Variants in ZNF717 observed in about 807,000 individuals in gnomAD.
ZNF717 encodes the protein zinc finger protein 717.
A neutral mutation model predicts 13.8 loss-of-function variants in ZNF717; 9 were observed. The observed-to-expected ratio is 0.65, with a 90% CI of 0.39 to 1.14. The LOEUF (loss-of-function observed/expected upper bound fraction) is 1.14. Ranked by LOEUF, ZNF717 falls within the 50% of genes most tolerant of loss-of-function variation. The pLI, the probability that ZNF717 is intolerant of heterozygous loss-of-function variation, is 0.01. For synonymous variants in ZNF717, 327 were observed against 364.1 expected (o/e 0.90, Z 1.16); for missense variants, 1,040 against 1,080.7 (o/e 0.96, Z 0.53).
intron 2 of ZNF717, among the ~76,000 whole-genome samples, chr3:75,748,887 G>C (rs1941417399): frequency 6.6e-6 from 1 of 152,096 alleles, no homozygotes; most frequent in Admixed American, 6.6e-5. Flanking sequence ...ATTAGGAAAA[G>C]AGGAGGTCAA....
chr3:75,694,872 G>A (rs1445059131), intron 6 of ZNF717, among the ~76,000 whole-genome samples: 1 of 152,136 alleles, frequency 6.6e-6, no homozygotes, highest in Admixed American at 6.5e-5. Flanking sequence ...CAAGAAATTA[G>A]ATTATAATAC....
At chr3:75,716,421 G>A (rs1217460794) in exon 5 of ZNF717, 1 of 152,088 alleles carries the variant, frequency 6.6e-6, no homozygotes, top group African/African-American at 2.4e-5. Flanking sequence ...GGACTTACCA[G>A]AAAAGACAAA....
At chr3:75,731,323 G>C (rs1320752012), downstream of ZNF717, among the ~76,000 whole-genome samples, 1 of 152,320 alleles carries the variant, frequency 6.6e-6, no homozygotes, top group East Asian at 1.9e-4. Context: ...GTTGCAGTGA[G>C]CCAAGATCAT....
intron 4 of ZNF717, among the ~76,000 whole-genome samples, chr3:75,720,259 G>C (rs1222763693): frequency 6.6e-6 from 1 of 151,970 alleles, no homozygotes; most frequent in African/African-American, 2.4e-5. Flanking sequence ...TGATGAACAG[G>C]ACAAAGAAAA....
chr3:75,771,851 C>T (rs1943913212), intron 2 of ZNF717, among the ~76,000 whole-genome samples: 1 of 152,236 alleles, frequency 6.6e-6, no homozygotes, highest in Non-Finnish European at 1.5e-5. Flanking sequence ...CCTGCAGGCT[C>T]AGTCATACCT....
intron 5 of ZNF717, chr3:75,711,329 A>G (rs1450464292): frequency 5.9e-5 from 9 of 152,270 alleles, no homozygotes; most frequent in Admixed American, 1.3e-4. Flanking sequence ...GGAAAACAAA[A>G]TATTTCAGAA....
chr3:75,767,527 C>T (rs1943577938), intron 2 of ZNF717, among the ~76,000 whole-genome samples: 1 of 152,244 alleles, frequency 6.6e-6, no homozygotes, highest in African/African-American at 2.4e-5. Context: ...AACTGGGCCT[C>T]AAGGAGACCA....
intron 6 of ZNF717, among the ~76,000 whole-genome samples, chr3:75,699,625 G>C: frequency 6.6e-6 from 1 of 152,422 alleles, no homozygotes; most frequent in East Asian, 1.9e-4. Context: ...GTTGTCAGAG[G>C]CTTCCCCAGA....
At chr3:75,768,235 G>A (rs1008679748) in intron 2 of ZNF717, among the ~76,000 whole-genome samples, 2 of 152,278 alleles carry the variant, frequency 1.3e-5, no homozygotes, top group Admixed American at 6.5e-5. Flanking sequence ...CCCTCACTGC[G>A]GCTGAGTGTG....
chr3:75,782,016 G>A (rs945090214), intron 2 of ZNF717, among the ~76,000 whole-genome samples: 53 of 152,116 alleles, frequency 3.5e-4, no homozygotes, highest in African/African-American at 1.1e-3. Context: ...ATCCGGGGCC[G>A]AGAGAATTTC....
chr3:75,707,165 T>C (rs1937822053), downstream of ZNF717, among the ~76,000 whole-genome samples: 1 of 152,256 alleles, frequency 6.6e-6, no homozygotes, highest in Non-Finnish European at 1.5e-5. Context: ...ACCTTCCCCA[T>C]TCAAATCCAA....
At chr3:75,758,353 G>T (rs181511500) in intron 2 of ZNF717, among the ~76,000 whole-genome samples, 1 of 152,258 alleles carries the variant, frequency 6.6e-6, no homozygotes, top group African/African-American at 2.4e-5. Context: ...GTAGTTTCTT[G>T]AGATGAAATC....
chr3:75,750,043 G>A (rs1456224461), intron 2 of ZNF717, among the ~76,000 whole-genome samples: 1 of 151,840 alleles, frequency 6.6e-6, no homozygotes. Flanking sequence ...TAGGATTCCA[G>A]AACACTGCTA....
intron 2 of ZNF717, among the ~76,000 whole-genome samples, chr3:75,763,198 G>A (rs73117292): frequency 0.11 from 16,541 of 152,184 alleles, 1,253 homozygotes; most frequent in Non-Finnish European, 0.17. Flanking sequence ...AAACCTAAAA[G>A]TTTCTATACC....
intron 4 of ZNF717, among the ~76,000 whole-genome samples, chr3:75,724,184 C>G (rs79725921): frequency 2.6e-5 from 4 of 152,104 alleles, no homozygotes; most frequent in Non-Finnish European, 2.9e-5. Flanking sequence ...TACCCTGCCC[C>G]CTTGCCTTGT....
chr3:75,699,209 G>A (rs1937638732), intron 6 of ZNF717, among the ~76,000 whole-genome samples: 1 of 152,312 alleles, frequency 6.6e-6, no homozygotes, highest in Admixed American at 6.5e-5. Flanking sequence ...CTTATAGGAG[G>A]AAGGAACTAG....
intron 6 of ZNF717, among the ~76,000 whole-genome samples, chr3:75,700,651 T>G (rs1559565692): frequency 6.6e-6 from 1 of 152,304 alleles, no homozygotes; most frequent in Non-Finnish European, 1.5e-5. Flanking sequence ...AAACTGAACT[T>G]ACTTTCAACA....
intron 2 of ZNF717, among the ~76,000 whole-genome samples, chr3:75,771,253 T>C (rs1943848998): frequency 6.6e-6 from 1 of 152,178 alleles, no homozygotes; most frequent in Admixed American, 6.5e-5. Flanking sequence ...TGCTGAGAAC[T>C]GTAATGGACC....
At chr3:75,754,983 A>T (rs1275400181) in intron 2 of ZNF717, among the ~76,000 whole-genome samples, 2 of 152,220 alleles carry the variant, frequency 1.3e-5, no homozygotes, top group African/African-American at 4.8e-5. Flanking sequence ...AGACACAAAG[A>T]TAAGAACTGA....
Sources: gnomAD v4.1 joint callset for allele counts (sites outside exome capture counted in the v4.1 genomes callset) on GRCh38, gnomAD v4.1.1 for gene constraint, MANE v1.5 for transcripts, NCBI Gene and HGNC (gene_info 2026-07-23, HGNC 2026-07-21) for gene names.